The following MECOM variants were observed in gnomAD, a reference collection of about 807,000 sequenced individuals.
MECOM encodes MDS1 and EVI1 complex locus.
MECOM carries 13 observed loss-of-function variants against 116.3 expected under a neutral mutation model. That is an observed-to-expected ratio of 0.11 (90% CI 0.07 to 0.18). MECOM has a LOEUF of 0.18. Ranked by LOEUF, MECOM falls within the 10% of genes least tolerant of loss-of-function variation. MECOM has a pLI of 1.00. For synonymous variants in MECOM, 528 were observed against 535.2 expected (o/e 0.99, Z 0.19); for missense variants, 1,299 against 1,509.0 (o/e 0.86, Z 2.31).
intron 3 of MECOM, chr3:169,133,292 C>G (rs1323269403): frequency 6.6e-6 from 1 of 152,054 alleles, no homozygotes; most frequent in Non-Finnish European, 1.5e-5. Context: ...CAGAAATGCT[C>G]ATACTTTAAT....
At chr3:169,473,560 G>A (rs1469745939) in intron 1 of MECOM, among the ~76,000 whole-genome samples, 3 of 152,116 alleles carry the variant, frequency 2.0e-5, no homozygotes, top group Non-Finnish European at 2.9e-5. Flanking sequence ...CATGAGGTCA[G>A]GAGATCGAGA....
chr3:169,133,703 C>T (rs1474101073), intron 3 of MECOM, among the ~76,000 whole-genome samples: 1 of 152,092 alleles, frequency 6.6e-6, no homozygotes, highest in African/African-American at 2.4e-5. Flanking sequence ...ATCCTATTAA[C>T]CCTAGCTGTT....
rs370960730 is a variant in MECOM, at chr3:169,654,354, T to C, written c.37+8982A>G. ...CCCGAACATATATGACCTTCCTACA[T>C]GGAAAGCCACTCTGCTCAAATAAGA... On this transcript the variant is annotated intron_variant, in intron 1 of 16. Transcript: ENST00000651503. 3.5e-4 allele frequency among the ~76,000 whole-genome samples: 54 copies of C among 152,302 alleles called. 2 individuals are homozygous for C. The South Asian group carries it at 0.01, about 29-fold the overall frequency.
At chr3:169,516,894 A>G (rs2109057210) in intron 1 of MECOM, among the ~76,000 whole-genome samples, 1 of 152,288 alleles carries the variant, frequency 6.6e-6, no homozygotes, top group South Asian at 2.1e-4. Flanking sequence ...AATTTAAAAA[A>G]CCTAAGCAAC....
chr3:169,436,281 G>A lies in MECOM; in HGVS notation c.38-54757C>T, dbSNP rs542816319. On this transcript the variant is annotated intron_variant, in intron 1 of 16. Coordinates refer to ENST00000651503, the MANE Select transcript of MECOM (RefSeq NM_004991.4). Reference sequence around the variant, plus strand: ...TTTTTTTTTTTTGAGACAGAGTTTCGCTCTTGTTGCCCAGGCTGGAATACA... The same window carrying A: ...TTTTTTTTTTTTGAGACAGAGTTTCACTCTTGTTGCCCAGGCTGGAATACA... Among the ~76,000 whole-genome samples, 221 of 123,764 alleles carry A rather than the reference G, an allele frequency of 1.8e-3. 2 individuals are homozygous for A. The highest frequency in any genetic ancestry group is 6.0e-3 in the African/African-American group (195 of 32,390). 81.2% of individuals were successfully genotyped at this position (123,764 alleles called of 152,430 possible). A position where few individuals can be genotyped will look rare whatever the true frequency, so the allele number is the denominator to read the frequency against.
intron 2 of MECOM, among the ~76,000 whole-genome samples, chr3:169,197,867 A>G (rs563916548): frequency 2.6e-5 from 4 of 152,130 alleles, no homozygotes; most frequent in Admixed American, 6.6e-5. Flanking sequence ...AGCAACTGAC[A>G]GGCGTTTGAT....
chr3:169,207,125 T>A (rs1440777015), intron 2 of MECOM, among the ~76,000 whole-genome samples: 2 of 148,364 alleles, frequency 1.3e-5, no homozygotes, highest in Non-Finnish European at 3.0e-5. Context: ...GTAATGTGCT[T>A]TCATCATTGA....
chr3:169,640,002 T>A (rs1180360827), intron 1 of MECOM, among the ~76,000 whole-genome samples: 1 of 152,186 alleles, frequency 6.6e-6, no homozygotes, highest in African/African-American at 2.4e-5. Context: ...AGCCTCTATC[T>A]GGAACAGGAA....
intron 1 of MECOM, among the ~76,000 whole-genome samples, chr3:169,463,150 A>G (rs912227596): frequency 1.3e-5 from 2 of 152,212 alleles, no homozygotes; most frequent in Admixed American, 6.5e-5. Flanking sequence ...TAATTTTACA[A>G]TGCAAGTTAA....
At chr3:169,277,293 C>T (rs1353697939) in intron 2 of MECOM, among the ~76,000 whole-genome samples, 1 of 152,116 alleles carries the variant, frequency 6.6e-6, no homozygotes, top group African/African-American at 2.4e-5. Context: ...CTCAAACATA[C>T]TACCTCCCTG....
intron 1 of MECOM, among the ~76,000 whole-genome samples, chr3:169,538,545 A>C (rs1446506137): frequency 6.6e-6 from 1 of 152,244 alleles, no homozygotes; most frequent in Non-Finnish European, 1.5e-5. Flanking sequence ...AATCTCAAAA[A>C]AACTATAGTA....
At chr3:169,452,378 G>A (rs898961067) in intron 1 of MECOM, among the ~76,000 whole-genome samples, 2 of 152,058 alleles carry the variant, frequency 1.3e-5, no homozygotes, top group African/African-American at 4.8e-5. Context: ...AAATCCATTG[G>A]TAAACTGAAA....
intron 1 of MECOM, among the ~76,000 whole-genome samples, chr3:169,578,241 A>G (rs1406714644): frequency 6.6e-6 from 1 of 152,190 alleles, no homozygotes; most frequent in Non-Finnish European, 1.5e-5. Context: ...TTCTGTGGTC[A>G]CTATTTCCTT....
chr3:169,421,687 T>TTA (rs534009302), intron 1 of MECOM, among the ~76,000 whole-genome samples: 1 of 147,054 alleles, frequency 6.8e-6, no homozygotes, highest in Non-Finnish European at 1.5e-5. Flanking sequence ...TTTGTTTTTT[T>TTA]AAAAAAAAAA....
At chr3:169,245,572 A>G (rs1458456028) in intron 2 of MECOM, among the ~76,000 whole-genome samples, 1 of 152,170 alleles carries the variant, frequency 6.6e-6, no homozygotes, top group Non-Finnish European at 1.5e-5. Context: ...AATTCATCAG[A>G]TTCAAACAAT....
chr3:169,127,581 G>C (rs1007133625), intron 5 of MECOM, among the ~76,000 whole-genome samples: 1 of 152,074 alleles, frequency 6.6e-6, no homozygotes, highest in Non-Finnish European at 1.5e-5. Context: ...TTACTATAAA[G>C]TTAAGCCTTC....
intron 2 of MECOM, among the ~76,000 whole-genome samples, chr3:169,155,488 T>C (rs1284298084): frequency 1.3e-5 from 2 of 152,158 alleles, no homozygotes; most frequent in African/African-American, 4.8e-5. Flanking sequence ...TATTGTCCTT[T>C]TAGGCCTGAG....
At chr3:169,350,056 TAAC>T (rs1313043560) in intron 2 of MECOM, among the ~76,000 whole-genome samples, 1 of 152,008 alleles carries the variant, frequency 6.6e-6, no homozygotes, top group African/African-American at 2.4e-5. Flanking sequence ...GCAAGAATCT[TAAC>T]AAATAATCCT....
chr3:169,083,546 T>C lies in MECOM; in HGVS notation c.*1363A>G, dbSNP rs771961728. 1.6e-5 allele frequency: 3 copies of C among 184,538 alleles called. No individual in the cohort carries two copies. The highest frequency in any genetic ancestry group is 3.5e-5 in the Non-Finnish European group (3 of 86,610). The allele number at this position is 184,538 out of a possible 1,614,324, so 11.4% of individuals were successfully genotyped here. A position where few individuals can be genotyped will look rare whatever the true frequency, so the allele number is the denominator to read the frequency against. On this transcript the variant is annotated 3_prime_UTR_variant, in exon 17 of 17. Coordinates refer to ENST00000651503, the MANE Select transcript of MECOM (RefSeq NM_004991.4). Reference sequence around the variant, plus strand: ...CTTTATTTTTTAGTTGCTCCTCCCATAGTAATGCACTGAAAGGCATAACAG... The same window carrying C: ...CTTTATTTTTTAGTTGCTCCTCCCACAGTAATGCACTGAAAGGCATAACAG...
Sources: allele counts gnomAD v4.1 joint callset (sites outside exome capture counted in the v4.1 genomes callset), GRCh38; gene constraint gnomAD v4.1.1; transcripts MANE v1.5; gene names NCBI Gene and HGNC (gene_info 2026-07-23, HGNC 2026-07-21).